EVL: variants seen among roughly 807,000 people sequenced by gnomAD.
EVL encodes ena/VASP-like protein.
Under a neutral mutation model 59.6 loss-of-function variants are expected in EVL, and 21 were observed. That is an observed-to-expected ratio of 0.35 (90% confidence interval 0.25 to 0.51). The LOEUF (loss-of-function observed/expected upper bound fraction) is 0.51. Ranked by LOEUF, EVL falls within the 20% of genes least tolerant of loss-of-function variation. EVL has a pLI of 0.97. For missense variants in EVL, 462 were observed against 546.6 expected (o/e 0.85, Z 1.54); for synonymous variants, 198 against 203.5 (o/e 0.97, Z 0.23).
At position 100,130,286 on chromosome 14, in the gene EVL, C is replaced by T. The variant is rs1029485073; in HGVS notation, c.839+602C>T. 2.6e-5 allele frequency among the ~76,000 whole-genome samples: 4 copies of T among 152,200 alleles called. No individual in the cohort carries two copies. The highest frequency in any genetic ancestry group is 2.4e-5 in the African/African-American group (1 of 41,446). On this transcript the variant is annotated intron_variant, in intron 7 of 13. Coordinates refer to ENST00000392920, the MANE Select transcript of EVL (RefSeq NM_016337.3). This position sits in a 1 kb window ranked among gnomAD's most constrained non-coding sequence, Gnocchi z 4.8. Reference sequence around the variant, plus strand: ...GCTGCAGCCTGCCATTGTGGCTCTCCGCTGTTCCCCAAATGAAACCCGAGC... The same window carrying T: ...GCTGCAGCCTGCCATTGTGGCTCTCTGCTGTTCCCCAAATGAAACCCGAGC...
chr14:100,023,107 T>C (rs989247764), intron 1 of EVL, among the ~76,000 whole-genome samples: 10 of 152,126 alleles, frequency 6.6e-5, no homozygotes, highest in African/African-American at 2.4e-4. Flanking sequence ...GATTTTTGTC[T>C]GCCATTGCCT....
chr14:99,983,834 C>T (rs1206019694), intron 1 of EVL, among the ~76,000 whole-genome samples: 1 of 152,172 alleles, frequency 6.6e-6, no homozygotes, highest in Non-Finnish European at 1.5e-5. Flanking sequence ...GACCCTTAGC[C>T]TAGCTGAGGG....
Position 100,034,317 on chromosome 14 carries a change from T to C in EVL, c.6-50370T>C, listed in dbSNP as rs376687879. On this transcript the variant is annotated intron_variant, in intron 1 of 13. Transcript: ENST00000402714. The stretch of plus-strand genomic sequence containing the variant: ...AGACAGTACATAGTAGCATGAAGGG[T>C]CTGAGAAGTCTTATGGGAAGGGGAA... Among the ~76,000 whole-genome samples the C allele has an allele frequency of 1.0e-3, 153 of 151,030 alleles. 4 individuals are homozygous for C. The South Asian group carries it at 0.031, about 30-fold the overall frequency.
At chr14:100,030,331 A>T (rs915486257) in intron 1 of EVL, among the ~76,000 whole-genome samples, 1 of 151,368 alleles carries the variant, frequency 6.6e-6, no homozygotes, top group East Asian at 1.9e-4. Flanking sequence ...CAAACTCCCG[A>T]CCTCAGGTGA....
intron 3 of EVL, among the ~76,000 whole-genome samples, chr14:100,116,755 CAG>C (rs919835527): frequency 6.6e-6 from 1 of 152,196 alleles, no homozygotes; most frequent in African/African-American, 2.4e-5. Context: ...TTTGGAAATT[CAG>C]AGAGAGGAAT....
At chr14:100,090,831 T>TATCC (rs375829444) in intron 2 of EVL, among the ~76,000 whole-genome samples, 8 of 152,318 alleles carry the variant, frequency 5.3e-5, no homozygotes, top group Non-Finnish European at 7.4e-5. Context: ...GACGTCATAG[T>TATCC]ATCCCACTTT....
chr14:100,135,840 C>G, intron 8 of EVL, 65 bp from the exon 9 acceptor site: 1 of 1,428,942 alleles, frequency 7.0e-7, no homozygotes, highest in Non-Finnish European at 9.9e-7. Context: ...TATGAAGTGT[C>G]CAATGATGTC....
chr14:100,020,592 G>A (rs1411817621), intron 1 of EVL, among the ~76,000 whole-genome samples: 3 of 152,068 alleles, frequency 2.0e-5, no homozygotes, highest in East Asian at 3.9e-4. Flanking sequence ...GTGATTGTGC[G>A]GGAACCTCAG....
intron 3 of EVL, among the ~76,000 whole-genome samples, chr14:100,120,198 C>T (rs1303312594): frequency 1.3e-5 from 2 of 152,186 alleles, no homozygotes; most frequent in Non-Finnish European, 1.5e-5. Flanking sequence ...CCTATATCTC[C>T]GTGGCTCACC....
intron 5 of EVL, 93 bp from the exon 6 acceptor site, chr14:100,128,426 C>T (rs1487527925): frequency 7.7e-7 from 1 of 1,302,586 alleles, no homozygotes; most frequent in Non-Finnish European, 1.1e-6. Flanking sequence ...GCAGCCTGCC[C>T]CTGTCCTTCC....
At chr14:100,060,173 G>A (rs1340111349) in intron 1 of EVL, among the ~76,000 whole-genome samples, 1 of 151,850 alleles carries the variant, frequency 6.6e-6, no homozygotes. Flanking sequence ...GCTCACGCCT[G>A]TAATCCCAGC....
At position 100,126,611 on chromosome 14, in the gene EVL, ACT is replaced by A. The variant is rs1888087495; in HGVS notation, c.423-93_423-92del. 6 of 1,372,124 alleles carry A rather than the reference ACT, an allele frequency of 4.4e-6. No homozygotes were observed. In the Admixed American group the frequency reaches 5.4e-5, roughly 12 times the overall value. 85.0% of individuals were successfully genotyped at this position (1,372,124 alleles called of 1,614,324 possible). ...GCTTGTGGAGCGCTGGCGAAACCTG[ACT>A]CTGAAGCCGGGGCCGGCGGGTACAG... On this transcript the variant is annotated intron_variant, in intron 4 of 13. Transcript: ENST00000392920.
At chr14:100,143,579 C>G in intron 13 of EVL, 122 bp from the exon 14 acceptor site, 3 of 1,215,288 alleles carry the variant, frequency 2.5e-6, no homozygotes, top group African/African-American at 1.5e-5. Flanking sequence ...CTGGGTGGGG[C>G]TCCCAGGAGA....
chr14:100,036,821 C>T (rs1958109), intron 1 of EVL, among the ~76,000 whole-genome samples: 141,608 of 152,222 alleles, frequency 0.93, 66,034 homozygotes, highest in Non-Finnish European at 0.94. Flanking sequence ...TCTCCCACAA[C>T]TCACTGGTTG....
rs565664485 is a variant in EVL, at chr14:100,127,740, C to T, written c.488-779C>T. On this transcript the variant is annotated intron_variant, in intron 5 of 13. Transcript: ENST00000392920. The surrounding 1 kb of genome is among the most constrained non-coding windows in gnomAD (Gnocchi z 4.2). The stretch of plus-strand genomic sequence containing the variant: ...ACTTCCGTGAGGACGTCATGGAGGA[C>T]GTCCGTCTTCCATGAACTTCTGGCC... 6.6e-6 allele frequency among the ~76,000 whole-genome samples: 1 copy of T among 152,198 alleles called. No homozygotes were observed. Among genetic ancestry groups the T allele is most frequent in the Non-Finnish European group, 1.5e-5 (1 of 68,042 alleles).
intron 2 of EVL, among the ~76,000 whole-genome samples, chr14:100,092,414 T>TA (rs1163535796): frequency 6.6e-6 from 1 of 152,084 alleles, no homozygotes; most frequent in Non-Finnish European, 1.5e-5. Context: ...AAGTTGTGGT[T>TA]AAAAAAATGG....
intron 8 of EVL, among the ~76,000 whole-genome samples, chr14:100,133,588 C>T (rs1050690132): frequency 1.3e-5 from 2 of 152,146 alleles, no homozygotes; most frequent in African/African-American, 4.8e-5. Context: ...GTCCCTTTGC[C>T]CCACCAGCCA....
rs1889357372 is a variant in EVL, at chr14:100,143,781, AC to A, written c.*44del. ...GCTGATTCGTCGAGCCCATCCGGCG[AC>A]AGAGGACAGCCAGAAGCCCAGCCAG... is the stretch of plus-strand genomic sequence containing the variant. On this transcript the variant is annotated 3_prime_UTR_variant, in exon 14 of 14. Transcript: ENST00000392920. 6.2e-7 allele frequency: 1 copy of A among 1,601,350 alleles called. No individual in the cohort carries two copies. The highest frequency in any genetic ancestry group is 1.3e-5 in the African/African-American group (1 of 74,782).
intron 1 of EVL, among the ~76,000 whole-genome samples, chr14:100,012,109 GC>G (rs951594226): frequency 6.6e-6 from 1 of 152,176 alleles, no homozygotes; most frequent in African/African-American, 2.4e-5. Context: ...TCATAATGGA[GC>G]CAGGGTTCAA....
Sources: gnomAD v4.1 joint callset for allele counts (sites outside exome capture counted in the v4.1 genomes callset) on GRCh38, gnomAD v4.1.1 for gene constraint, Gnocchi (gnomAD v3.1) non-coding constraint, MANE v1.5 for transcripts, NCBI Gene and HGNC (gene_info 2026-07-23, HGNC 2026-07-21) for gene names.